ADK: variants seen among roughly 807,000 people sequenced by gnomAD.
ADK encodes N6,N6-dimethyladenosine kinase.
ADK carries 24 observed loss-of-function variants against 44.7 expected under a neutral mutation model. The observed-to-expected ratio is 0.54, with a 90% confidence interval of 0.39 to 0.76. The LOEUF is 0.76. Ranked by LOEUF, ADK falls within the 30% of genes least tolerant of loss-of-function variation. The pLI, the probability that ADK is intolerant of heterozygous loss-of-function variation, is 0.00. For synonymous variants in ADK, 128 were observed against 142.6 expected (o/e 0.90, Z 0.73); for missense variants, 321 against 425.1 (o/e 0.76, Z 2.15).
intron 7 of ADK, among the ~76,000 whole-genome samples, chr10:74,563,259 C>T (rs1031175536): frequency 6.6e-6 from 1 of 152,206 alleles, no homozygotes; most frequent in Non-Finnish European, 1.5e-5. Flanking sequence ...TGAGCTCTTT[C>T]ACCTGTCCCC....
At chr10:74,417,740 A>G (rs1844421254) in intron 6 of ADK, among the ~76,000 whole-genome samples, 1 of 150,560 alleles carries the variant, frequency 6.6e-6, no homozygotes, top group Non-Finnish European at 1.5e-5. Flanking sequence ...GAATCTCAGT[A>G]AATCTACTTT....
intron 9 of ADK, among the ~76,000 whole-genome samples, chr10:74,615,067 AT>A (rs1332944398): frequency 6.6e-6 from 1 of 152,158 alleles, no homozygotes; most frequent in East Asian, 1.9e-4. Flanking sequence ...GACATTGAAA[AT>A]TCTGGCTCTC....
intron 6 of ADK, among the ~76,000 whole-genome samples, chr10:74,480,516 T>C (rs552110944): frequency 6.6e-6 from 1 of 152,204 alleles, no homozygotes; most frequent in East Asian, 1.9e-4. Context: ...AAGCCTCAAA[T>C]GATCCTCCCA....
chr10:74,667,652 C>G (rs1177468570), intron 9 of ADK, among the ~76,000 whole-genome samples: 1 of 151,822 alleles, frequency 6.6e-6, no homozygotes, highest in Non-Finnish European at 1.5e-5. Flanking sequence ...CCTGCCTCAG[C>G]CTCCAGAGTA....
intron 9 of ADK, among the ~76,000 whole-genome samples, chr10:74,652,378 AT>A (rs1456973964): frequency 6.6e-6 from 1 of 152,050 alleles, no homozygotes; most frequent in Non-Finnish European, 1.5e-5. Context: ...TCATAGCAGC[AT>A]TACCCAATAG....
At chr10:74,356,005 T>G (rs1312294028) in intron 4 of ADK, among the ~76,000 whole-genome samples, 3 of 121,676 alleles carry the variant, frequency 2.5e-5, no homozygotes, top group Non-Finnish European at 3.4e-5. Flanking sequence ...ATAATTCATT[T>G]TTTTTTTTTT....
At chr10:74,354,284 T>G (rs1187840245) in intron 4 of ADK, among the ~76,000 whole-genome samples, 10 of 152,202 alleles carry the variant, frequency 6.6e-5, no homozygotes, top group Non-Finnish European at 1.5e-5. Flanking sequence ...AAGAATCACC[T>G]GCACAGCCTC....
chr10:74,494,439 T>C (rs940305022), intron 6 of ADK, among the ~76,000 whole-genome samples: 36 of 152,196 alleles, frequency 2.4e-4, no homozygotes, highest in Non-Finnish European at 1.0e-4. Context: ...AGACAAATTA[T>C]ATTCTATGGT....
At chr10:74,267,786 GTGTGTGTC>G (rs1427942045) in intron 3 of ADK, among the ~76,000 whole-genome samples, 2 of 124,898 alleles carry the variant, frequency 1.6e-5, no homozygotes, top group African/African-American at 6.3e-5. Context: ...GTGTGTGTGT[GTGTGTGTC>G]TGTCTGTCTG....
intron 4 of ADK, among the ~76,000 whole-genome samples, chr10:74,367,323 G>A (rs551488720): frequency 1.3e-5 from 2 of 152,218 alleles, no homozygotes; most frequent in South Asian, 4.2e-4. Context: ...CTTTAAAGCT[G>A]GCACTTTAAA....
chr10:74,688,351 GA>G (rs1454944667), intron 10 of ADK, among the ~76,000 whole-genome samples: 1 of 152,124 alleles, frequency 6.6e-6, no homozygotes, highest in African/African-American at 2.4e-5. Context: ...AGTTTCAGAA[GA>G]ACAGGAACTG....
chr10:74,586,737 C>T (rs1043417317), intron 7 of ADK, among the ~76,000 whole-genome samples: 2 of 151,892 alleles, frequency 1.3e-5, no homozygotes, highest in Non-Finnish European at 2.9e-5. Flanking sequence ...ACCTGTAGTT[C>T]CAGCTACTCG....
chr10:74,320,947 C>T (rs910793637), intron 4 of ADK, among the ~76,000 whole-genome samples: 1 of 152,132 alleles, frequency 6.6e-6, no homozygotes, highest in Non-Finnish European at 1.5e-5. Context: ...ATTCATGCTT[C>T]CCAGAGATGA....
chr10:74,607,297 C>T (rs940835309), intron 9 of ADK, among the ~76,000 whole-genome samples: 2 of 151,988 alleles, frequency 1.3e-5, no homozygotes, highest in African/African-American at 2.4e-5. Context: ...TTATTTTGCC[C>T]GTTAGTTGAT....
At chr10:74,245,231 G>A (rs1845373667) in intron 3 of ADK, among the ~76,000 whole-genome samples, 1 of 152,130 alleles carries the variant, frequency 6.6e-6, no homozygotes, top group Non-Finnish European at 1.5e-5. Flanking sequence ...CTATAGGCCA[G>A]TAAATATATA....
intron 6 of ADK, among the ~76,000 whole-genome samples, chr10:74,478,638 C>T (rs913287664): frequency 1.3e-5 from 2 of 152,104 alleles, no homozygotes; most frequent in Admixed American, 1.3e-4. Context: ...TGTATATATT[C>T]CTTGGATTAT....
At chr10:74,180,556 T>TCATGCCATTCTCCTGCCTC (rs895481934) in intron 1 of ADK, among the ~76,000 whole-genome samples, 6 of 151,634 alleles carry the variant, frequency 4.0e-5, no homozygotes, top group African/African-American at 1.2e-4. Context: ...CCTCCTGGGT[T>TCATGCCATTCTCCTGCCTC]CATGCCATTC....
intron 3 of ADK, among the ~76,000 whole-genome samples, chr10:74,277,041 C>T (rs191111459): frequency 2.6e-4 from 40 of 152,236 alleles, no homozygotes; most frequent in Non-Finnish European, 4.3e-4. Context: ...CCTCAGCCTC[C>T]GGAGTAGCTG....
chr10:74,273,763 C>T (rs1022666258), intron 3 of ADK, among the ~76,000 whole-genome samples: 2 of 152,004 alleles, frequency 1.3e-5, no homozygotes, highest in African/African-American at 4.8e-5. Flanking sequence ...CGGCCTCTCC[C>T]CGAATTTCTT....
Sources: allele counts gnomAD v4.1 joint callset (sites outside exome capture counted in the v4.1 genomes callset), GRCh38; gene constraint gnomAD v4.1.1; transcripts MANE v1.5; gene names NCBI Gene and HGNC (gene_info 2026-07-23, HGNC 2026-07-21).